THSD7A: variants seen among roughly 807,000 people sequenced by gnomAD.
THSD7A encodes thrombospondin type 1 domain containing 7A, also known as thrombospondin type-1 domain-containing protein 7A.
Under a neutral mutation model 231.3 loss-of-function variants are expected in THSD7A, and 96 were observed. The ratio of observed to expected loss-of-function variants is 0.41; its 90% CI spans 0.35 to 0.49. The LOEUF is 0.49. THSD7A is among the 20% of genes least tolerant of loss of function. The pLI, the probability that THSD7A is intolerant of heterozygous loss-of-function variation, is 0.05. For synonymous variants in THSD7A, 940 were observed against 743.3 expected, an observed-to-expected ratio of 1.26 and a Z score of -4.30; for missense variants, 2,290 against 2,070.2, an observed-to-expected ratio of 1.11 and a Z score of -2.06.
intron 1 of THSD7A, among the ~76,000 whole-genome samples, chr7:11,777,115 G>T (rs555193659): frequency 1.2e-4 from 19 of 152,056 alleles, no homozygotes; most frequent in African/African-American, 4.6e-4. Flanking sequence ...ATGTGCGAGC[G>T]AAAAATGCAA....
At chr7:11,586,607 C>T (rs867678881) in intron 4 of THSD7A, among the ~76,000 whole-genome samples, 3 of 152,094 alleles carry the variant, frequency 2.0e-5, no homozygotes, top group African/African-American at 7.2e-5. Flanking sequence ...TAATGCATAG[C>T]CTTTCTTTTC....
chr7:11,425,967 G>A (rs895354861), intron 15 of THSD7A, among the ~76,000 whole-genome samples: 7 of 151,818 alleles, frequency 4.6e-5, no homozygotes, highest in Non-Finnish European at 8.8e-5. Flanking sequence ...TAGATGACAC[G>A]TTAGTGGGTG....
chr7:11,720,889 G>T (rs1024368843), intron 1 of THSD7A, among the ~76,000 whole-genome samples: 1 of 151,544 alleles, frequency 6.6e-6, no homozygotes, highest in South Asian at 2.1e-4. Flanking sequence ...GCCCTTTGCT[G>T]GTTCCTTCTA....
At chr7:11,482,873 CA>C (rs765023629) in intron 6 of THSD7A, among the ~76,000 whole-genome samples, 19 of 152,244 alleles carry the variant, frequency 1.2e-4, no homozygotes, top group Admixed American at 3.9e-4. Flanking sequence ...AGAAACAAAA[CA>C]TTGTTGCTGT....
At chr7:11,498,440 C>A (rs911105824) in intron 6 of THSD7A, among the ~76,000 whole-genome samples, 2 of 152,126 alleles carry the variant, frequency 1.3e-5, no homozygotes, top group Non-Finnish European at 2.9e-5. Flanking sequence ...GGACCTCCAG[C>A]CTCTCCTGCT....
intron 1 of THSD7A, among the ~76,000 whole-genome samples, chr7:11,810,534 G>A (rs896116340): frequency 6.6e-6 from 1 of 152,084 alleles, no homozygotes; most frequent in Non-Finnish European, 1.5e-5. Flanking sequence ...TAAATAAAGG[G>A]GCTTAGAGGG....
intron 6 of THSD7A, among the ~76,000 whole-genome samples, chr7:11,534,599 G>T (rs993248918): frequency 1.3e-5 from 2 of 152,120 alleles, no homozygotes; most frequent in Non-Finnish European, 2.9e-5. Flanking sequence ...TCTCATGATT[G>T]CAGCCACTAA....
intron 24 of THSD7A, 101 bp downstream of exon 24, chr7:11,382,420 A>C (rs1238992365): frequency 1.0e-6 from 1 of 961,616 alleles, no homozygotes; most frequent in Non-Finnish European, 1.6e-6. Flanking sequence ...CAGGCTTTGA[A>C]TACTGAAAGA....
intron 4 of THSD7A, among the ~76,000 whole-genome samples, chr7:11,560,672 A>G (rs1790039922): frequency 6.6e-6 from 1 of 152,098 alleles, no homozygotes; most frequent in African/African-American, 2.4e-5. Context: ...ACTCCTTAAA[A>G]ATAATCTAAC....
At chr7:11,563,659 G>T (rs1790172932) in intron 4 of THSD7A, among the ~76,000 whole-genome samples, 1 of 152,174 alleles carries the variant, frequency 6.6e-6, no homozygotes, top group Non-Finnish European at 1.5e-5. Context: ...ACGATGCCCA[G>T]CCACTGAGTT....
At chr7:11,703,361 A>G (rs955983093) in intron 1 of THSD7A, among the ~76,000 whole-genome samples, 2 of 151,262 alleles carry the variant, frequency 1.3e-5, no homozygotes, top group African/African-American at 4.8e-5. Flanking sequence ...TCTTCTTTGC[A>G]GTTTGGGAAT....
intron 9 of THSD7A, 119 bp from the exon 10 acceptor site, chr7:11,462,262 G>A: frequency 9.5e-7 from 1 of 1,051,424 alleles, no homozygotes; most frequent in African/African-American, 1.6e-5. Flanking sequence ...ATCCCTGAGA[G>A]GCTTCACCTG....
chr7:11,541,077 C>G (rs765674949), intron 6 of THSD7A, among the ~76,000 whole-genome samples: 35 of 152,084 alleles, frequency 2.3e-4, no homozygotes, highest in Non-Finnish European at 3.8e-4. Flanking sequence ...GAGCTATAGA[C>G]TTTTTTAAAA....
intron 2 of THSD7A, among the ~76,000 whole-genome samples, chr7:11,631,263 C>G (rs902486358): frequency 2.6e-5 from 4 of 152,112 alleles, no homozygotes; most frequent in Admixed American, 1.3e-4. Flanking sequence ...ATAGACACTT[C>G]GTTTTTTCAG....
chr7:11,592,174 C>A (rs952149877), intron 3 of THSD7A, among the ~76,000 whole-genome samples: 1 of 152,144 alleles, frequency 6.6e-6, no homozygotes, highest in African/African-American at 2.4e-5. Context: ...AGGAAATTCT[C>A]TGTGGAGGTT....
chr7:11,696,460 T>A (rs1780404079), intron 1 of THSD7A, among the ~76,000 whole-genome samples: 1 of 151,526 alleles, frequency 6.6e-6, no homozygotes, highest in Admixed American at 6.6e-5. Flanking sequence ...GGGATACATG[T>A]GCAGAAAGTG....
Position 11,756,934 on chromosome 7 carries a change from G to C in THSD7A, c.190+74823C>G, listed in dbSNP as rs1782697362. On this transcript the variant is annotated intron_variant, in intron 1 of 27. Transcript: ENST00000423059. ...GGAAATAACATGTTCTTTAGTTATT[G>C]CATGCTGAATTCTGGCATCAAGTGA... Among the ~76,000 whole-genome samples, 3 of 151,982 alleles carry C rather than the reference G, an allele frequency of 2.0e-5. No individual in the cohort carries two copies. The South Asian group carries it at 6.2e-4, about 32-fold the overall frequency.
rs115718544 is a variant in THSD7A, at chr7:11,466,255, C to T, written c.2368+3624G>A. ...TGAATTAATTTTCTGTTGCTATTAC[C>T]TCTCTTTGAACATTCAACTTTGCTT... is the stretch of plus-strand genomic sequence containing the variant. On this transcript the variant is annotated intron_variant, in intron 9 of 27. Coordinates refer to ENST00000423059, the MANE Select transcript of THSD7A (RefSeq NM_015204.3). Among the ~76,000 whole-genome samples, 519 of 152,234 alleles carry T rather than the reference C, an allele frequency of 3.4e-3. 3 individuals carry two copies. Among genetic ancestry groups the T allele is most frequent in the African/African-American group, 0.012 (500 of 41,548 alleles).
In THSD7A at chr7:11,375,098, A is replaced by C. The variant is rs181254183; in HGVS notation, c.*696T>G. 2 of 152,150 alleles carry C rather than the reference A, an allele frequency of 1.3e-5. No individual in the cohort carries two copies. Among genetic ancestry groups the C allele is most frequent in the African/African-American group, 4.8e-5 (2 of 41,524 alleles). 9.4% of individuals were successfully genotyped at this position (152,150 alleles called of 1,614,324 possible). A position where few individuals can be genotyped will look rare whatever the true frequency, so the allele number is the denominator to read the frequency against. ...CACAAGTAAATTAGTTTTCCAGACA[A>C]TTACCACTATAAAATACTGAACTTG... is the stretch of plus-strand genomic sequence containing the variant. On this transcript the variant is annotated 3_prime_UTR_variant, in exon 28 of 28. Coordinates refer to ENST00000423059, the MANE Select transcript of THSD7A (RefSeq NM_015204.3).
Sources: allele counts gnomAD v4.1 joint callset (sites outside exome capture counted in the v4.1 genomes callset), GRCh38; gene constraint gnomAD v4.1.1; transcripts MANE v1.5; gene names NCBI Gene and HGNC (gene_info 2026-07-23, HGNC 2026-07-21).